MAGI2: variants seen among roughly 807,000 people sequenced by gnomAD.
MAGI2 encodes the protein membrane associated guanylate kinase, WW and PDZ domain containing 2.
A neutral mutation model predicts 133.3 loss-of-function variants in MAGI2; 35 were observed. That is an observed-to-expected ratio of 0.26 (90% CI 0.20 to 0.35). The LOEUF (loss-of-function observed/expected upper bound fraction) is 0.35. Among genes scored for constraint, MAGI2 ranks in the 10% least tolerant of loss-of-function variants. MAGI2 has a pLI of 1.00. For missense variants in MAGI2, 1,636 were observed against 1,863.4 expected (o/e 0.88, Z 2.25); for synonymous variants, 729 against 710.6 (o/e 1.03, Z -0.41).
chr7:78,132,819 GT>G, intron 18 of MAGI2, 69 bp downstream of exon 18: 3 of 1,607,728 alleles, frequency 1.9e-6, no homozygotes, highest in Non-Finnish European at 2.6e-6. Flanking sequence ...GTCCTGTGCT[GT>G]CCCCAAATAC....
intron 1 of MAGI2, among the ~76,000 whole-genome samples, chr7:79,257,390 AT>A (rs1037138624): frequency 1.4e-4 from 22 of 152,312 alleles, no homozygotes; most frequent in African/African-American, 5.3e-4. Flanking sequence ...AAAAAATTGT[AT>A]TTTGATTTAT....
intron 2 of MAGI2, among the ~76,000 whole-genome samples, chr7:78,848,740 T>C (rs1227443306): frequency 1.3e-5 from 2 of 152,044 alleles, no homozygotes; most frequent in Non-Finnish European, 2.9e-5. Flanking sequence ...CTATTTTTCT[T>C]TGTCACTACT....
intron 1 of MAGI2, among the ~76,000 whole-genome samples, chr7:79,051,565 G>GTCTTTTAT (rs1812672901): frequency 6.6e-6 from 1 of 152,074 alleles, no homozygotes; most frequent in African/African-American, 2.4e-5. Flanking sequence ...TATTGCACAT[G>GTCTTTTAT]TCTTTTATAA....
At chr7:78,300,336 G>A (rs1797720380) in intron 9 of MAGI2, among the ~76,000 whole-genome samples, 2 of 152,076 alleles carry the variant, frequency 1.3e-5, no homozygotes, top group South Asian at 2.1e-4. Context: ...CTGATTTTAT[G>A]CATTTAAAAG....
At chr7:78,823,142 A>T (rs1452277152) in intron 2 of MAGI2, among the ~76,000 whole-genome samples, 1 of 152,204 alleles carries the variant, frequency 6.6e-6, no homozygotes, top group Non-Finnish European at 1.5e-5. Flanking sequence ...TTGTCTGTCA[A>T]CTTAAAGGAT....
chr7:78,752,054 A>G (rs992622799), intron 2 of MAGI2, among the ~76,000 whole-genome samples: 1 of 152,266 alleles, frequency 6.6e-6, no homozygotes, highest in Middle Eastern at 3.4e-3. Context: ...TATATGCTAG[A>G]ATTTGGGCTT....
rs1258995241 is a variant in MAGI2 at position 78,376,624 on chromosome 7, A to G, written c.1046-7411T>C. Among the ~76,000 whole-genome samples, 9 of 152,308 alleles carry G rather than the reference A, an allele frequency of 5.9e-5. No homozygotes were observed. In the East Asian group the frequency reaches 1.4e-3, roughly 23 times the overall value. On this transcript the variant is annotated intron_variant, in intron 6 of 21. Transcript: ENST00000354212. ...TCATTAATATATCTTACCAAATTTAATAGAAAATTGAAACAATTTTCTTGG... is the reference window on the plus strand; with the variant it reads ...TCATTAATATATCTTACCAAATTTAGTAGAAAATTGAAACAATTTTCTTGG...
intron 2 of MAGI2, among the ~76,000 whole-genome samples, chr7:78,656,004 G>A (rs114968857): frequency 0.054 from 6,601 of 122,422 alleles, 326 homozygotes; most frequent in Non-Finnish European, 0.088. Flanking sequence ...AAAAGAAAAA[G>A]AAAAGAGGTT....
intron 6 of MAGI2, among the ~76,000 whole-genome samples, chr7:78,477,929 A>T (rs1375361786): frequency 5.9e-5 from 9 of 151,286 alleles, no homozygotes; most frequent in African/African-American, 7.3e-5. Context: ...TTTTATTTTT[A>T]TTTTTTTATT....
chr7:78,514,249 ATAT>A (rs1288973301), intron 4 of MAGI2, among the ~76,000 whole-genome samples: 5 of 150,910 alleles, frequency 3.3e-5, no homozygotes, highest in Non-Finnish European at 5.9e-5. Context: ...TAATAGTTTA[ATAT>A]TAATAGTAAT....
At chr7:78,560,244 A>G (rs1430100211) in intron 3 of MAGI2, among the ~76,000 whole-genome samples, 1 of 152,204 alleles carries the variant, frequency 6.6e-6, no homozygotes, top group Non-Finnish European at 1.5e-5. Context: ...AGGACTATAC[A>G]TTCATTTTCA....
intron 2 of MAGI2, among the ~76,000 whole-genome samples, chr7:78,743,234 A>G (rs770236907): frequency 6.6e-5 from 10 of 152,206 alleles, no homozygotes; most frequent in Non-Finnish European, 1.2e-4. Context: ...TATAAAGACA[A>G]AATCAATAAG....
chr7:78,051,873 C>T (rs1812042194), intron 21 of MAGI2, among the ~76,000 whole-genome samples: 1 of 148,562 alleles, frequency 6.7e-6, no homozygotes, highest in Admixed American at 6.7e-5. Context: ...GTGTGAGCCA[C>T]CATACCCAGC....
chr7:79,281,465 A>G (rs1835635876), intron 1 of MAGI2, among the ~76,000 whole-genome samples: 1 of 152,118 alleles, frequency 6.6e-6, no homozygotes, highest in Non-Finnish European at 1.5e-5. Flanking sequence ...TATGTTTTTC[A>G]TACAGTCTGC....
chr7:78,437,007 G>A (rs1277440001), intron 6 of MAGI2, among the ~76,000 whole-genome samples: 2 of 152,200 alleles, frequency 1.3e-5, no homozygotes, highest in Non-Finnish European at 2.9e-5. Context: ...CAAACGCAGA[G>A]TAGAGTCAGA....
At chr7:78,287,590 T>C (rs146427600) in intron 9 of MAGI2, among the ~76,000 whole-genome samples, 8 of 152,168 alleles carry the variant, frequency 5.3e-5, no homozygotes, top group African/African-American at 1.9e-4. Flanking sequence ...TATTCTTGAG[T>C]CATAAAGGAA....
intron 2 of MAGI2, among the ~76,000 whole-genome samples, chr7:78,644,448 A>G (rs1305457906): frequency 6.6e-6 from 1 of 152,198 alleles, no homozygotes; most frequent in Non-Finnish European, 1.5e-5. Flanking sequence ...AAGACACATC[A>G]TAAAAATGAT....
chr7:78,739,000 A>G (rs1165015242), intron 2 of MAGI2, among the ~76,000 whole-genome samples: 7 of 152,194 alleles, frequency 4.6e-5, no homozygotes, highest in African/African-American at 1.7e-4. Context: ...GAAACAGAAA[A>G]CTAATTTGGA....
chr7:78,761,689 C>T (rs577833002), intron 2 of MAGI2, among the ~76,000 whole-genome samples: 13 of 152,150 alleles, frequency 8.5e-5, no homozygotes, highest in African/African-American at 2.9e-4. Context: ...AACTCCTGAC[C>T]TTAGATGATC....
Sources: allele counts gnomAD v4.1 joint callset (sites outside exome capture counted in the v4.1 genomes callset), GRCh38; gene constraint gnomAD v4.1.1; transcripts MANE v1.5; gene names NCBI Gene and HGNC (gene_info 2026-07-23, HGNC 2026-07-21).